The following EYS variants were observed in gnomAD, a reference collection of about 807,000 sequenced individuals.
The protein encoded by EYS is protein eyes shut homolog.
Under a neutral mutation model 282.1 loss-of-function variants are expected in EYS, and 250 were observed. The observed-to-expected ratio is 0.89, with a 90% CI of 0.80 to 0.98. EYS has a LOEUF of 0.98. Ranked by LOEUF, EYS falls within the 50% of genes least tolerant of loss-of-function variation. The pLI is 0.00. For synonymous variants in EYS, 1,355 were observed against 1,282.9 expected (o/e 1.06, Z -1.20); for missense variants, 4,016 against 3,709.0 (o/e 1.08, Z -2.15).
intron 1 of EYS, among the ~76,000 whole-genome samples, chr6:65,678,806 T>G (rs1490121): frequency 1 from 146,863 of 147,534 alleles, 73,101 homozygotes; most frequent in East Asian, 1. Context: ...GACATGAAAA[T>G]ATACATCTCC....
chr6:65,448,236 T>C (rs1764267362), intron 5 of EYS, among the ~76,000 whole-genome samples: 1 of 151,996 alleles, frequency 6.6e-6, no homozygotes, highest in Admixed American at 6.6e-5. Context: ...ATCTCACACA[T>C]ACACACACTG....
At chr6:64,452,293 A>G (rs939249314) in intron 26 of EYS, among the ~76,000 whole-genome samples, 1 of 152,106 alleles carries the variant, frequency 6.6e-6, no homozygotes, top group Non-Finnish European at 1.5e-5. Flanking sequence ...TAGGAATCCA[A>G]CTTACAAGGG....
At chr6:65,592,544 G>A (rs1765265529) in intron 2 of EYS, among the ~76,000 whole-genome samples, 1 of 151,964 alleles carries the variant, frequency 6.6e-6, no homozygotes, top group East Asian at 1.9e-4. Flanking sequence ...TAGGATAAGT[G>A]ATTGACATAT....
chr6:64,860,809 G>A (rs577076517), intron 19 of EYS, among the ~76,000 whole-genome samples: 2 of 152,332 alleles, frequency 1.3e-5, no homozygotes, highest in Admixed American at 6.5e-5. Flanking sequence ...TGAGCAAGGT[G>A]AAGAAGAGCT....
intron 12 of EYS, among the ~76,000 whole-genome samples, chr6:65,097,854 A>T (rs1278629288): frequency 6.6e-6 from 1 of 150,864 alleles, no homozygotes. Context: ...GTAGAAGGGA[A>T]AATGGGAGTT....
chr6:64,736,625 C>A (rs1772190569), intron 22 of EYS, among the ~76,000 whole-genome samples: 1 of 152,120 alleles, frequency 6.6e-6, no homozygotes. Context: ...TAGAGTCTTT[C>A]CTGGTAAGTC....
intron 19 of EYS, among the ~76,000 whole-genome samples, chr6:64,874,554 G>A (rs987590523): frequency 6.6e-6 from 1 of 152,006 alleles, no homozygotes; most frequent in Non-Finnish European, 1.5e-5. Flanking sequence ...TAAGATGGGG[G>A]CTTGTGTGCA....
At chr6:64,010,714 A>C (rs947803521) in intron 33 of EYS, among the ~76,000 whole-genome samples, 3 of 151,842 alleles carry the variant, frequency 2.0e-5, no homozygotes, top group African/African-American at 7.3e-5. Context: ...GCTGTGCCCA[A>C]CCCTACCTGC....
chr6:65,157,990 G>T (rs989638388), intron 12 of EYS, among the ~76,000 whole-genome samples: 2 of 150,746 alleles, frequency 1.3e-5, no homozygotes, highest in African/African-American at 4.9e-5. Flanking sequence ...TATACTAGAA[G>T]GCACAGAACA....
intron 18 of EYS, among the ~76,000 whole-genome samples, chr6:64,888,136 G>C (rs1767158854): frequency 6.6e-6 from 1 of 151,866 alleles, no homozygotes; most frequent in Non-Finnish European, 1.5e-5. Context: ...AGACAGTAGG[G>C]GAGAGGGGAT....
At chr6:64,970,333 G>C (rs917388563) in intron 14 of EYS, among the ~76,000 whole-genome samples, 1 of 152,126 alleles carries the variant, frequency 6.6e-6, no homozygotes, top group African/African-American at 2.4e-5. Context: ...GAGTAGCTGG[G>C]ATTACAGGCA....
At chr6:64,333,381 G>C (rs1216776215) in intron 29 of EYS, among the ~76,000 whole-genome samples, 1 of 152,094 alleles carries the variant, frequency 6.6e-6, no homozygotes, top group Non-Finnish European at 1.5e-5. Context: ...GGGACCATCT[G>C]TAAAACTCTA....
At chr6:64,665,679 T>G (rs552755313) in intron 22 of EYS, among the ~76,000 whole-genome samples, 1 of 152,240 alleles carries the variant, frequency 6.6e-6, no homozygotes, top group South Asian at 2.1e-4. Context: ...TATGCTTCAA[T>G]TGAACCAATT....
intron 12 of EYS, among the ~76,000 whole-genome samples, chr6:65,124,205 A>T (rs1775651522): frequency 6.7e-6 from 1 of 148,482 alleles, no homozygotes; most frequent in Admixed American, 6.7e-5. Context: ...AAATAAATGT[A>T]AAAAAAAACA....
chr6:64,559,103 A>T (rs991729358), intron 26 of EYS, among the ~76,000 whole-genome samples: 3 of 152,114 alleles, frequency 2.0e-5, no homozygotes, highest in African/African-American at 7.2e-5. Context: ...TAATCTCCCT[A>T]ATTCTGTTCA....
At chr6:65,097,207 A>G (rs978140644) in intron 12 of EYS, among the ~76,000 whole-genome samples, 1 of 151,154 alleles carries the variant, frequency 6.6e-6, no homozygotes, top group Non-Finnish European at 1.5e-5. Context: ...CACTTCTCCA[A>G]AGAAGAAATA....
intron 33 of EYS, among the ~76,000 whole-genome samples, chr6:64,011,629 T>C (rs954898109): frequency 6.6e-6 from 1 of 152,182 alleles, no homozygotes; most frequent in African/African-American, 2.4e-5. Flanking sequence ...CGTATGGATT[T>C]TTTTTTCTTT....
In EYS at chr6:64,067,225, T is replaced by C. The variant is rs374590439; in HGVS notation, c.6572-734A>G. On this transcript the variant is annotated intron_variant, in intron 32 of 42. Transcript: ENST00000503581. ...TCCCTGGAAGCCCATGGATCTCTCT[T>C]TTTAACTTTCCTAATTGAAGTATAA... Among the ~76,000 whole-genome samples, 3 of 152,274 alleles carry C rather than the reference T, an allele frequency of 2.0e-5. No homozygotes were observed. The East Asian group carries it at 5.8e-4, about 29-fold the overall frequency.
At chr6:63,733,275 CT>C (rs2149636271) in intron 41 of EYS, among the ~76,000 whole-genome samples, 1 of 152,216 alleles carries the variant, frequency 6.6e-6, no homozygotes, top group South Asian at 2.1e-4. Context: ...AACTTCTCTT[CT>C]TTTCCTTTTA....
Sources: gnomAD v4.1 joint callset for allele counts (sites outside exome capture counted in the v4.1 genomes callset) on GRCh38, gnomAD v4.1.1 for gene constraint, MANE v1.5 for transcripts, NCBI Gene and HGNC (gene_info 2026-07-23, HGNC 2026-07-21) for gene names.